The following KBTBD12 variants were observed in gnomAD, a reference collection of about 807,000 sequenced individuals.
KBTBD12 encodes kelch repeat and BTB domain-containing protein 12.
KBTBD12 carries 53 observed loss-of-function variants against 58.7 expected under a neutral mutation model. That is an observed-to-expected ratio of 0.90 (90% CI 0.72 to 1.14). The LOEUF (loss-of-function observed/expected upper bound fraction) is 1.14. Ranked by LOEUF, KBTBD12 falls within the 50% of genes most tolerant of loss-of-function variation. The pLI is 0.00. For synonymous variants in KBTBD12, 236 were observed against 259.8 expected, an observed-to-expected ratio of 0.91 and a Z score of 0.88; for missense variants, 704 against 751.3, an observed-to-expected ratio of 0.94 and a Z score of 0.74.
In KBTBD12 at chr3:127,927,764, G is replaced by T. The variant is rs751252537; in HGVS notation, c.1071G>T (p.Arg357Ser). 2 of 1,501,534 alleles carry T rather than the reference G, an allele frequency of 1.3e-6. No individual in the cohort carries two copies. The highest frequency in any genetic ancestry group is 1.4e-5 in the South Asian group (1 of 69,442). 93.0% of individuals were successfully genotyped at this position (1,501,534 alleles called of 1,614,324 possible). ...RQKNKNVEIYRYHDRGNQFWE... is the reference protein window; with the variant it reads ...RQKNKNVEIYSYHDRGNQFWE... ...TGGATACTCTCTCTCTCTTTTGCAG[G>T]TATCATGATAGAGGAAACCAGTTTT... is the stretch of plus-strand genomic sequence containing the variant. The change falls in exon 3 of 6, where the codon AGG (arginine) becomes AGT (serine). Residue 357 changes from arginine (R) to serine (S), a missense_variant and splice_region_variant. By Grantham distance (110) the Arg-to-Ser change is moderately radical. Transcript: ENST00000405109.
intron 5 of KBTBD12, among the ~76,000 whole-genome samples, chr3:127,971,982 G>A (rs1940691609): frequency 6.6e-6 from 1 of 152,148 alleles, no homozygotes; most frequent in Non-Finnish European, 1.5e-5. Context: ...AGTCTTAATG[G>A]TGAAAAGCCT....
chr3:127,945,386 C>G (rs867529111), intron 4 of KBTBD12, among the ~76,000 whole-genome samples: 5 of 150,490 alleles, frequency 3.3e-5, no homozygotes, highest in Admixed American at 6.6e-5. Flanking sequence ...GGGTTTCACC[C>G]TGTTAGCCAG....
intron 3 of KBTBD12, among the ~76,000 whole-genome samples, chr3:127,928,363 T>C (rs955000463): frequency 6.6e-6 from 1 of 152,228 alleles, no homozygotes; most frequent in Non-Finnish European, 1.5e-5. Context: ...AGCTGGATCC[T>C]CATCCAGTTC....
At chr3:127,924,304 G>A (rs1383589817) in intron 2 of KBTBD12, among the ~76,000 whole-genome samples, 173 bp downstream of exon 2, 2 of 148,610 alleles carry the variant, frequency 1.3e-5, no homozygotes, top group African/African-American at 4.9e-5. Flanking sequence ...GTGTGTGTGT[G>A]TATACATTTA....
chr3:127,963,524 T>G, intron 5 of KBTBD12, 138 bp downstream of exon 5: 1 of 781,406 alleles, frequency 1.3e-6, no homozygotes, highest in Non-Finnish European at 2.0e-6. Context: ...AGGGACCCTG[T>G]GCAAAACCTC....
chr3:127,927,707 T>G (rs1437930564), intron 2 of KBTBD12, 57 bp from the exon 3 acceptor site: 5 of 1,240,244 alleles, frequency 4.0e-6, no homozygotes, highest in Non-Finnish European at 5.4e-6. Context: ...GTGTATTTCT[T>G]GGGTAAATTG....
At chr3:127,963,503 C>T (rs1207753554) in intron 5 of KBTBD12, 117 bp downstream of exon 5, 5 of 1,002,552 alleles carry the variant, frequency 5.0e-6, no homozygotes, top group Non-Finnish European at 7.1e-6. Context: ...AAAAGCATGG[C>T]TTTTAGAGTC....
intron 1 of KBTBD12, among the ~76,000 whole-genome samples, chr3:127,918,638 G>C (rs564459905): frequency 1.3e-5 from 2 of 152,110 alleles, no homozygotes; most frequent in South Asian, 4.2e-4. Flanking sequence ...CGTGAACCCA[G>C]GAGGCTGAGC....
chr3:127,934,320 C>G (rs569399077), intron 4 of KBTBD12, among the ~76,000 whole-genome samples: 2 of 152,122 alleles, frequency 1.3e-5, no homozygotes, highest in African/African-American at 4.8e-5. Flanking sequence ...TAAAAATGCC[C>G]TGAAGGGGCT....
intron 5 of KBTBD12, among the ~76,000 whole-genome samples, chr3:127,975,583 A>AT (rs1940770744): frequency 6.6e-6 from 1 of 152,212 alleles, no homozygotes; most frequent in South Asian, 2.1e-4. Context: ...TCTTCTTACC[A>AT]TGTAGTCATT....
intron 4 of KBTBD12, among the ~76,000 whole-genome samples, chr3:127,958,510 A>C (rs1940364514): frequency 6.6e-6 from 1 of 152,188 alleles, no homozygotes; most frequent in Non-Finnish European, 1.5e-5. Context: ...ACTAAGACCC[A>C]GTGCTGGGTT....
chr3:127,971,925 T>G (rs1940689961), intron 5 of KBTBD12, among the ~76,000 whole-genome samples: 1 of 152,188 alleles, frequency 6.6e-6, no homozygotes, highest in Admixed American at 6.5e-5. Context: ...CAGCAAGAAC[T>G]TCCCTCAAAT....
At chr3:127,971,556 TC>T (rs1243643330) in intron 5 of KBTBD12, among the ~76,000 whole-genome samples, 1 of 152,066 alleles carries the variant, frequency 6.6e-6, no homozygotes, top group African/African-American at 2.4e-5. Flanking sequence ...TGGTGCAGGG[TC>T]CCCCCATTCC....
rs1292663546 is a variant in KBTBD12, at chr3:127,923,082, A to G, written c.21A>G (p.Gly7=). The change falls in exon 2 of 6, where the codon GGA becomes GGG. Residue 7 remains glycine, a synonymous_variant. Transcript: ENST00000405109. MECKIE[G]KEKYQHSLNL... ...AGATCATGGAGTGCAAGATTGAGGGAAAAGAAAAATACCAACATAGCTTGA... is the reference window on the plus strand; with the variant it reads ...AGATCATGGAGTGCAAGATTGAGGGGAAAGAAAAATACCAACATAGCTTGA... 3 of 1,606,974 alleles carry G rather than the reference A, an allele frequency of 1.9e-6. No individual in the cohort carries two copies. The highest frequency in any genetic ancestry group is 2.6e-6 in the Non-Finnish European group (3 of 1,174,356).
At chr3:127,969,876 A>G (rs189940499) in intron 5 of KBTBD12, among the ~76,000 whole-genome samples, 1 of 152,342 alleles carries the variant, frequency 6.6e-6, no homozygotes, top group African/African-American at 2.4e-5. Flanking sequence ...TTAGAAGAAA[A>G]TGTAGGCATA....
At chr3:127,941,018 C>T (rs1939939245) in intron 4 of KBTBD12, among the ~76,000 whole-genome samples, 1 of 152,130 alleles carries the variant, frequency 6.6e-6, no homozygotes, top group Non-Finnish European at 1.5e-5. Flanking sequence ...AAAGATATAA[C>T]CCCAAAATGA....
At chr3:127,974,716 G>A (rs975984222) in intron 5 of KBTBD12, among the ~76,000 whole-genome samples, 1 of 152,164 alleles carries the variant, frequency 6.6e-6, no homozygotes, top group African/African-American at 2.4e-5. Flanking sequence ...GGCCAGGCAC[G>A]GTGGCTCACG....
At chr3:127,942,702 CTA>C (rs58969843) in intron 4 of KBTBD12, among the ~76,000 whole-genome samples, 26 of 142,372 alleles carry the variant, frequency 1.8e-4, no homozygotes, top group East Asian at 2.0e-4. Flanking sequence ...ATATATATAA[CTA>C]TATATATATA....
At position 127,934,336 on chromosome 3, in the gene KBTBD12, G is replaced by A. The variant is rs186112879; in HGVS notation, c.1492+4053G>A. The stretch of plus-strand genomic sequence containing the variant: ...AAAAATGCCCTGAAGGGGCTCAGGA[G>A]CACTTTTGATATGTTAGAAGAAAGA... On this transcript the variant is annotated intron_variant, in intron 4 of 5. Coordinates refer to ENST00000405109, the MANE Select transcript of KBTBD12 (RefSeq NM_207335.4). 2.6e-5 allele frequency among the ~76,000 whole-genome samples: 4 copies of A among 152,198 alleles called. No individual in the cohort carries two copies. In the East Asian group the frequency reaches 5.8e-4, roughly 22 times the overall value.
Sources: gnomAD v4.1 joint callset for allele counts (sites outside exome capture counted in the v4.1 genomes callset) on GRCh38, gnomAD v4.1.1 for gene constraint, MANE v1.5 for transcripts, NCBI Gene and HGNC (gene_info 2026-07-23, HGNC 2026-07-21) for gene names.